SEMA5A: variants seen among roughly 807,000 people sequenced by gnomAD.
SEMA5A encodes semaphorin-5A.
Under a neutral mutation model 135.5 loss-of-function variants are expected in SEMA5A, and 55 were observed. The observed-to-expected ratio is 0.41, with a 90% CI of 0.33 to 0.51. The LOEUF (loss-of-function observed/expected upper bound fraction) is 0.51, where lower values mean the gene tolerates loss of function less well. SEMA5A is among the 20% of genes least tolerant of loss of function. The pLI, the probability that SEMA5A is intolerant of heterozygous loss-of-function variation, is 0.37. For synonymous variants in SEMA5A, 580 were observed against 546.5 expected (o/e 1.06, Z -0.85); for missense variants, 1,290 against 1,419.9 (o/e 0.91, Z 1.47).
chr5:9,044,272 G>A, intron 22 of SEMA5A, 101 bp downstream of exon 22: 2 of 1,020,598 alleles, frequency 2.0e-6, no homozygotes, highest in Non-Finnish European at 3.0e-6. Context: ...AGAAAATTCA[G>A]TTTCAAAGGA....
At chr5:9,400,275 T>A (rs1209542107) in intron 2 of SEMA5A, among the ~76,000 whole-genome samples, 1 of 152,124 alleles carries the variant, frequency 6.6e-6, no homozygotes, top group African/African-American at 2.4e-5. Flanking sequence ...TGTATACCTA[T>A]GTAACAAGCC....
At chr5:9,043,039 A>AG (rs1736048643) in intron 22 of SEMA5A, 23 bp from the exon 23 acceptor site, 1 of 1,589,840 alleles carries the variant, frequency 6.3e-7, no homozygotes, top group Non-Finnish European at 8.6e-7. Context: ...TTAAAAAAAA[A>AG]CAGGTTTAAG....
chr5:9,050,953 T>C (rs995091272), intron 20 of SEMA5A, among the ~76,000 whole-genome samples: 2 of 152,056 alleles, frequency 1.3e-5, no homozygotes, highest in Non-Finnish European at 2.9e-5. Flanking sequence ...ATGCCACACA[T>C]GAAACCCACA....
intron 21 of SEMA5A, among the ~76,000 whole-genome samples, chr5:9,046,411 C>T (rs1736256772): frequency 6.6e-6 from 1 of 152,214 alleles, no homozygotes; most frequent in African/African-American, 2.4e-5. Flanking sequence ...ATTTTCTGAG[C>T]TGTCTTCCCT....
At chr5:9,109,133 C>G (rs1740101418) in intron 15 of SEMA5A, among the ~76,000 whole-genome samples, 2 of 146,280 alleles carry the variant, frequency 1.4e-5, no homozygotes, top group Non-Finnish European at 3.0e-5. Flanking sequence ...CTCCGCCTCC[C>G]GGGTTCACGC....
intron 17 of SEMA5A, among the ~76,000 whole-genome samples, chr5:9,064,005 A>G (rs1471230289): frequency 2.0e-5 from 3 of 152,210 alleles, no homozygotes. Flanking sequence ...AATAACTCTA[A>G]AAGTATGCAG....
At chr5:9,068,054 G>A (rs1198311494) in intron 16 of SEMA5A, among the ~76,000 whole-genome samples, 1 of 152,012 alleles carries the variant, frequency 6.6e-6, no homozygotes, top group South Asian at 2.1e-4. Context: ...GCACATTGAT[G>A]ATTTGAATAC....
chr5:9,168,067 C>A (rs1490511179), intron 11 of SEMA5A, among the ~76,000 whole-genome samples: 1 of 152,138 alleles, frequency 6.6e-6, no homozygotes, highest in Non-Finnish European at 1.5e-5. Context: ...ACCCCTCTCA[C>A]TGCCCACTCC....
chr5:9,156,664 G>A (rs1742973709), intron 11 of SEMA5A, among the ~76,000 whole-genome samples: 1 of 152,184 alleles, frequency 6.6e-6, no homozygotes, highest in African/African-American at 2.4e-5. Flanking sequence ...GGATCCAGCT[G>A]GAGGATCACT....
At chr5:9,091,346 T>G (rs1739023549) in intron 16 of SEMA5A, among the ~76,000 whole-genome samples, 1 of 152,188 alleles carries the variant, frequency 6.6e-6, no homozygotes, top group Non-Finnish European at 1.5e-5. Flanking sequence ...TTTATCTTGT[T>G]ATACTGTAGA....
intron 2 of SEMA5A, among the ~76,000 whole-genome samples, chr5:9,382,844 A>G (rs1755675277): frequency 6.6e-6 from 1 of 152,246 alleles, no homozygotes; most frequent in Admixed American, 6.5e-5. Flanking sequence ...AGAACTTCAG[A>G]GCAGGCAGAA....
At chr5:9,048,180 G>C (rs982972387) in intron 21 of SEMA5A, among the ~76,000 whole-genome samples, 9 of 152,070 alleles carry the variant, frequency 5.9e-5, no homozygotes, top group African/African-American at 2.2e-4. Context: ...ACCTAACCAG[G>C]GCTACTGTGG....
chr5:9,180,741 T>A (rs756917991), intron 11 of SEMA5A, among the ~76,000 whole-genome samples: 131 of 152,024 alleles, frequency 8.6e-4, no homozygotes, highest in Non-Finnish European at 1.3e-3. Context: ...CTTGCCCTAC[T>A]TTTTTTAGAT....
At chr5:9,355,370 G>A (rs903836922) in intron 3 of SEMA5A, among the ~76,000 whole-genome samples, 1 of 152,146 alleles carries the variant, frequency 6.6e-6, no homozygotes, top group Non-Finnish European at 1.5e-5. Flanking sequence ...GGAGAATGCA[G>A]GAAATGGGAT....
At chr5:9,054,440 C>T (rs1736776968) in intron 18 of SEMA5A, among the ~76,000 whole-genome samples, 183 bp from the exon 19 acceptor site, 1 of 152,144 alleles carries the variant, frequency 6.6e-6, no homozygotes. Flanking sequence ...CGCAGGGCTG[C>T]ATTTGGAGTC....
chr5:9,465,587 G>A (rs185685280), intron 1 of SEMA5A, among the ~76,000 whole-genome samples: 10 of 152,334 alleles, frequency 6.6e-5, no homozygotes, highest in Admixed American at 2.0e-4. Flanking sequence ...ATGAAATGAT[G>A]TATAGGCATT....
intron 12 of SEMA5A, among the ~76,000 whole-genome samples, chr5:9,144,169 C>T (rs1190093716): frequency 6.6e-6 from 1 of 152,166 alleles, no homozygotes; most frequent in Non-Finnish European, 1.5e-5. Context: ...ATAGGTACCT[C>T]CAAAGTTCAC....
At chr5:9,142,692 C>A (rs936526501) in intron 12 of SEMA5A, among the ~76,000 whole-genome samples, 1 of 152,172 alleles carries the variant, frequency 6.6e-6, no homozygotes, top group Non-Finnish European at 1.5e-5. Flanking sequence ...TCTGGCCAGG[C>A]ACGGTGGCTC....
Position 9,050,430 on chromosome 5 carries a change from A to G in SEMA5A, c.2873T>C (p.Val958Ala). The G allele has an allele frequency of 1.9e-6, 3 of 1,613,054 alleles. No individual in the cohort carries two copies. The highest frequency in any genetic ancestry group is 2.5e-6 in the Non-Finnish European group (3 of 1,179,518). The change falls in exon 21 of 23, where the codon GTA becomes GCA. Residue 958 changes from valine (V) to alanine (A), a missense_variant. Val to Ala is a moderately conservative substitution (Grantham distance 64). Coordinates refer to ENST00000382496, the MANE Select transcript of SEMA5A (RefSeq NM_003966.3). ...PEVSVARSSS[V>A]EEKRCGEFNM... ...CGTACCTCCACACCTTTTCTCTTCT[A>G]CGCTACTGGATCTTGCCACAGATAC...
Sources: allele counts gnomAD v4.1 joint callset (sites outside exome capture counted in the v4.1 genomes callset), GRCh38; gene constraint gnomAD v4.1.1; transcripts MANE v1.5; gene names NCBI Gene and HGNC (gene_info 2026-07-23, HGNC 2026-07-21).